AHCYL1: variants seen among roughly 807,000 people sequenced by gnomAD.
AHCYL1 encodes the protein S-adenosylhomocysteine hydrolase-like protein 1.
In AHCYL1, 20 loss-of-function variants were observed where a neutral mutation model predicts 79.3. That is an observed-to-expected ratio of 0.25 (90% confidence interval 0.18 to 0.37). The LOEUF (loss-of-function observed/expected upper bound fraction) is 0.37. Among genes scored for constraint, AHCYL1 ranks in the 10% least tolerant of loss-of-function variants. The pLI is 1.00. For synonymous variants in AHCYL1, 223 were observed against 242.2 expected (o/e 0.92, Z 0.74); for missense variants, 330 against 673.6 (o/e 0.49, Z 5.65).
rs151120207 is a variant in AHCYL1, at chr1:109,987,468, G to A, written c.120+2296G>A. Among the ~76,000 whole-genome samples, 35 of 152,302 alleles carry A rather than the reference G, an allele frequency of 2.3e-4. No individual in the cohort carries two copies. The East Asian group carries it at 6.8e-3, about 29-fold the overall frequency. On this transcript the variant is annotated intron_variant, in intron 1 of 16. Transcript: ENST00000369799. ...CCAGTAATCCTTGGATTATTCTGAAGCCCTGAGGCCCCTCAGGAATTGAGG... is the reference window on the plus strand; with the variant it reads ...CCAGTAATCCTTGGATTATTCTGAAACCCTGAGGCCCCTCAGGAATTGAGG...
At chr1:110,001,463 G>A (rs1640289114) in intron 1 of AHCYL1, among the ~76,000 whole-genome samples, 1 of 152,210 alleles carries the variant, frequency 6.6e-6, no homozygotes, top group Admixed American at 6.5e-5. Flanking sequence ...TGGGATTACA[G>A]GCGTGAGCCA....
intron 10 of AHCYL1, 116 bp downstream of exon 10, chr1:110,017,699 A>G (rs1449134636): frequency 1.1e-5 from 13 of 1,157,948 alleles, no homozygotes; most frequent in East Asian, 2.4e-5. Context: ...AGAGAAGGCT[A>G]GGACTGCTCT....
chr1:110,004,039 A>G, intron 1 of AHCYL1: 1 of 985,366 alleles, frequency 1.0e-6, no homozygotes, highest in Non-Finnish European at 1.2e-6. Context: ...CTTTTAAGTG[A>G]CTCAGCAGTT....
chr1:109,986,891 C>T (rs1443964606), intron 1 of AHCYL1, among the ~76,000 whole-genome samples: 2 of 152,140 alleles, frequency 1.3e-5, no homozygotes, highest in Admixed American at 1.3e-4. Flanking sequence ...TGGCCACCTA[C>T]CATGAATAAC....
rs1651124111 is a variant in AHCYL1 at position 110,012,785 on chromosome 1, TGTAGCACCTGTTG to T, written c.478-109_478-97del. On this transcript the variant is annotated intron_variant, in intron 4 of 16. Coordinates refer to ENST00000369799, the MANE Select transcript of AHCYL1 (RefSeq NM_006621.7). ...AGTACACCCTTTTGTAACTTTCCAG[TGTAGCACCTGTTG>T]GTGCAGAGTTGATAGGTATTGCTAT... 29 of 736,642 alleles carry T rather than the reference TGTAGCACCTGTTG, an allele frequency of 3.9e-5. No homozygotes were observed. The South Asian group carries it at 6.1e-4, about 16-fold the overall frequency. The allele number at this position is 736,642 out of a possible 1,614,324, so 45.6% of individuals were successfully genotyped here. A position where few individuals can be genotyped will look rare whatever the true frequency, so the allele number is the denominator to read the frequency against.
intron 16 of AHCYL1, among the ~76,000 whole-genome samples, 199 bp from the exon 17 acceptor site, chr1:110,021,475 G>A (rs575978305): frequency 8.5e-5 from 13 of 152,230 alleles, no homozygotes; most frequent in Non-Finnish European, 1.5e-4. Flanking sequence ...CTCATTCCTG[G>A]GAACAGGCGG....
At chr1:110,017,731 G>A in intron 10 of AHCYL1, 148 bp downstream of exon 10, 1 of 1,029,408 alleles carries the variant, frequency 9.7e-7, no homozygotes. Flanking sequence ...TCTAACCCTA[G>A]GGCTCTCTGA....
intron 2 of AHCYL1, 127 bp downstream of exon 2, chr1:110,009,272 G>T: frequency 1.3e-6 from 1 of 784,520 alleles, no homozygotes; most frequent in Admixed American, 2.9e-5. Flanking sequence ...AACTGTTAGT[G>T]GCTGGGCAGT....
At chr1:109,985,380 T>C (rs905372746) in intron 1 of AHCYL1, 87 of 1,300,108 alleles carry the variant, frequency 6.7e-5, no homozygotes, top group Non-Finnish European at 8.2e-5. Flanking sequence ...TCGGCCCAAG[T>C]CCTCCGGGAT....
chr1:109,987,824 A>G (rs1428376039), intron 1 of AHCYL1, among the ~76,000 whole-genome samples: 1 of 152,202 alleles, frequency 6.6e-6, no homozygotes, highest in African/African-American at 2.4e-5. Flanking sequence ...AACTAAAGGG[A>G]TATGACCTTG....
intron 2 of AHCYL1, among the ~76,000 whole-genome samples, chr1:110,010,453 G>A (rs560872431): frequency 3.3e-5 from 5 of 152,310 alleles, no homozygotes; most frequent in Admixed American, 2.6e-4. Context: ...TTGCATATCT[G>A]TCAGATAAGT....
At chr1:109,992,483 C>G (rs900776055) in intron 1 of AHCYL1, among the ~76,000 whole-genome samples, 1 of 151,548 alleles carries the variant, frequency 6.6e-6, no homozygotes, top group African/African-American at 2.4e-5. Flanking sequence ...CACCCCTTCT[C>G]CTTTCTCAAA....
chr1:109,995,122 G>T (rs940874654), intron 1 of AHCYL1, among the ~76,000 whole-genome samples: 3 of 152,186 alleles, frequency 2.0e-5, no homozygotes, highest in East Asian at 3.8e-4. Context: ...TGGGTTTTTA[G>T]TGGAAGTGGG....
rs775299514 is a variant in AHCYL1, at chr1:110,014,853, A to G, written c.671A>G (p.Asn224Ser). The G allele has an allele frequency of 1.2e-6, 2 of 1,613,772 alleles. No homozygotes were observed. Among genetic ancestry groups the G allele is most frequent in the East Asian group, 2.2e-5 (1 of 44,878 alleles). ...RCVNMDGWQANMILDDGGDLT... is the reference protein window; with the variant it reads ...RCVNMDGWQASMILDDGGDLT... Reference sequence around the variant, plus strand: ...GTGAACATGGATGGGTGGCAGGCCAACATGGTAATAATGCATATACATCCT... The same window carrying G: ...GTGAACATGGATGGGTGGCAGGCCAGCATGGTAATAATGCATATACATCCT... The change falls in exon 6 of 17, where the codon AAC becomes AGC. Residue 224 changes from asparagine (N) to serine (S), a missense_variant. Asn to Ser is a conservative substitution (Grantham distance 46). Around this residue, in one of 6 missense-constraint regions of AHCYL1, gnomAD observed 17 missense variants for 45.6 expected, o/e 0.37. Transcript: ENST00000369799.
intron 1 of AHCYL1, among the ~76,000 whole-genome samples, chr1:109,997,965 G>A (rs1650110277): frequency 6.6e-6 from 1 of 152,156 alleles, no homozygotes; most frequent in Non-Finnish European, 1.5e-5. Context: ...AGAGAACAGA[G>A]CCCACAGTCC....
chr1:110,020,020 C>G (rs1651688923), intron 15 of AHCYL1, among the ~76,000 whole-genome samples: 1 of 152,150 alleles, frequency 6.6e-6, no homozygotes, highest in Non-Finnish European at 1.5e-5. Flanking sequence ...GCAAACCATC[C>G]AATCTCTTGT....
chr1:110,018,718 G>C, intron 13 of AHCYL1, 68 bp downstream of exon 13: 2 of 1,319,066 alleles, frequency 1.5e-6, no homozygotes, highest in Non-Finnish European at 2.1e-6. Context: ...GGGGGGAGGG[G>C]AGGGAAACAA....
intron 1 of AHCYL1, among the ~76,000 whole-genome samples, chr1:110,001,191 T>G: frequency 7.5e-6 from 1 of 132,996 alleles, no homozygotes; most frequent in Admixed American, 7.1e-5. Flanking sequence ...ACAAAATTAA[T>G]TTTTTTTTTT....
chr1:109,985,376 C>A, intron 1 of AHCYL1: 1 of 1,311,424 alleles, frequency 7.6e-7, no homozygotes, highest in Non-Finnish European at 9.7e-7. Flanking sequence ...TCCCTCGGCC[C>A]AAGTCCTCCG....
Sources: gnomAD v4.1 joint callset for allele counts (sites outside exome capture counted in the v4.1 genomes callset) on GRCh38, gnomAD v4.1.1 for gene constraint, gnomAD v4.1.1 regional missense constraint, MANE v1.5 for transcripts, NCBI Gene and HGNC (gene_info 2026-07-23, HGNC 2026-07-21) for gene names.